PPP1R12B: variants seen among roughly 807,000 people sequenced by gnomAD.
PPP1R12B encodes protein phosphatase 1 regulatory subunit 12B, also known as myosin phosphatase target subunit 2.
PPP1R12B carries 76 observed loss-of-function variants against 126.1 expected under a neutral mutation model. The ratio of observed to expected loss-of-function variants is 0.60; its 90% CI spans 0.50 to 0.73. The LOEUF (loss-of-function observed/expected upper bound fraction) is 0.73. PPP1R12B is among the 30% of genes least tolerant of loss of function. The probability of loss-of-function intolerance (pLI) is 0.00; values close to 1 mark genes in which losing one functional copy is unlikely to be tolerated. For synonymous variants in PPP1R12B, 356 were observed against 434.7 expected (o/e 0.82, Z 2.25); for missense variants, 1,052 against 1,205.1 (o/e 0.87, Z 1.88).
chr1:202,427,501 T>G (rs57595834), intron 5 of PPP1R12B, among the ~76,000 whole-genome samples: 12,313 of 152,192 alleles, frequency 0.081, 1,045 homozygotes, highest in East Asian at 0.4. Flanking sequence ...GTATGAAAGA[T>G]TTTATTGTTG....
At chr1:202,350,223 T>G (rs1056058450) in intron 1 of PPP1R12B, among the ~76,000 whole-genome samples, 2 of 152,226 alleles carry the variant, frequency 1.3e-5, no homozygotes, top group African/African-American at 4.8e-5. Context: ...GAAGAAACTC[T>G]TTCACCCTAT....
chr1:202,504,339 G>A (rs1680582118), intron 18 of PPP1R12B, among the ~76,000 whole-genome samples: 1 of 152,086 alleles, frequency 6.6e-6, no homozygotes. Flanking sequence ...GTGGCAGTGA[G>A]CCAAGATCGC....
chr1:202,438,027 G>A lies in PPP1R12B; in HGVS notation c.1458+3G>A. 1.2e-6 allele frequency: 2 copies of A among 1,613,798 alleles called. No homozygotes were observed. Among genetic ancestry groups the A allele is most frequent in the Non-Finnish European group, 1.7e-6 (2 of 1,179,860 alleles). ...CTCTACTGGACAACAAAGATAAGGT[G>A]CAGTTTGGGAGGGTATGGGGGAATT... On this transcript the variant is annotated splice_donor_region_variant and intron_variant, in intron 10 of 23. Transcript: ENST00000608999.
rs1369049673 is a variant in PPP1R12B at position 202,587,662 on chromosome 1, C to T, written c.*7102C>T. The T allele has an allele frequency of 2.0e-5, 3 of 152,192 alleles. No individual in the cohort carries two copies. Among genetic ancestry groups the T allele is most frequent in the Admixed American group, 6.5e-5 (1 of 15,290 alleles). The allele number at this position is 152,192 out of a possible 1,614,324, so 9.4% of individuals were successfully genotyped here. On this transcript the variant is annotated 3_prime_UTR_variant, in exon 24 of 24. Coordinates refer to ENST00000608999, the MANE Select transcript of PPP1R12B (RefSeq NM_002481.4). ...GCCTCTTAAGAGCCTCTAATGTTCT[C>T]CCAAAACCAGAGTTGAGAGTCGGAG...
At chr1:202,447,452 A>T (rs945318132) in intron 12 of PPP1R12B, among the ~76,000 whole-genome samples, 11 of 152,216 alleles carry the variant, frequency 7.2e-5, no homozygotes, top group Non-Finnish European at 2.9e-5. Context: ...TTATTTAATC[A>T]TTAGAAGAAC....
chr1:202,368,337 A>G (rs1388998397), intron 1 of PPP1R12B, among the ~76,000 whole-genome samples: 3 of 152,076 alleles, frequency 2.0e-5, no homozygotes, highest in Non-Finnish European at 2.9e-5. Context: ...TCGCCCTGTG[A>G]TGTGCTTGCT....
rs1481815265 is a variant in PPP1R12B at position 202,508,512 on chromosome 1, T to C, written c.2490+11690T>C. 6.6e-6 allele frequency among the ~76,000 whole-genome samples: 1 copy of C among 152,244 alleles called. No homozygotes were observed. The highest frequency in any genetic ancestry group is 1.9e-4 in the East Asian group (1 of 5,202). ...ATGGTCTTGGAGCTTATAGCTCTTG[T>C]TATGTTTCTGAAAAATTTTTTCAGG... is the stretch of plus-strand genomic sequence containing the variant. On this transcript the variant is annotated intron_variant, in intron 18 of 23. Coordinates refer to ENST00000608999, the MANE Select transcript of PPP1R12B (RefSeq NM_002481.4). The surrounding 1 kb of genome is among the most constrained non-coding windows in gnomAD (Gnocchi z 4.5).
At chr1:202,555,158 C>A (rs555047515) in intron 18 of PPP1R12B, among the ~76,000 whole-genome samples, 1 of 151,738 alleles carries the variant, frequency 6.6e-6, no homozygotes, top group African/African-American at 2.4e-5. Context: ...TACTATACAG[C>A]CATATATCTG....
At chr1:202,567,586 A>C in intron 21 of PPP1R12B, 192 bp from the exon 22 acceptor site, 1 of 579,482 alleles carries the variant, frequency 1.7e-6, no homozygotes, top group East Asian at 2.9e-5. Context: ...GAATCCTGCA[A>C]ACTTCAGAGA....
chr1:202,509,602 G>A (rs1681205205), intron 18 of PPP1R12B, among the ~76,000 whole-genome samples: 1 of 152,150 alleles, frequency 6.6e-6, no homozygotes, highest in African/African-American at 2.4e-5. Flanking sequence ...TTGCCTTTAA[G>A]GCTCACAGGT....
chr1:202,413,824 C>G (rs1667711010), intron 1 of PPP1R12B, among the ~76,000 whole-genome samples: 1 of 152,086 alleles, frequency 6.6e-6, no homozygotes, highest in Non-Finnish European at 1.5e-5. Flanking sequence ...TCTGGCCTCT[C>G]AAAGGTATAT....
chr1:202,575,332 A>AG (rs1688999109), intron 23 of PPP1R12B: 2 of 764,028 alleles, frequency 2.6e-6, no homozygotes, highest in African/African-American at 3.5e-5. Context: ...GCCTAGGTCA[A>AG]GGGAGGCAGT....
intron 18 of PPP1R12B, among the ~76,000 whole-genome samples, chr1:202,548,798 CTCTCTCTCTCTA>C (rs1459156805): frequency 0.016 from 1,751 of 108,802 alleles, 15 homozygotes; most frequent in Admixed American, 0.045. Flanking sequence ...CTCTCTCTCT[CTCTCTCTCTCTA>C]TATATATATA....
At position 202,420,967 on chromosome 1, in the gene PPP1R12B, C is replaced by CTTTTT. The variant is rs56164548; in HGVS notation, c.423-1636_423-1632dup. On this transcript the variant is annotated intron_variant, in intron 2 of 23. Transcript: ENST00000608999. ...CTATTGATTCTTTTCCCTCTGCCAA[C>CTTTTT]TTTTTTTTTTTTTTTTTTTTTGAGA... Among the ~76,000 whole-genome samples the CTTTTT allele has an allele frequency of 2.0e-3, 237 of 118,508 alleles. 17 individuals carry two copies. Among genetic ancestry groups the CTTTTT allele is most frequent in the Middle Eastern group, 8.9e-3 (2 of 224 alleles). 77.7% of individuals were successfully genotyped at this position (118,508 alleles called of 152,430 possible).
chr1:202,545,968 G>A (rs1685614046), intron 18 of PPP1R12B, among the ~76,000 whole-genome samples: 1 of 152,190 alleles, frequency 6.6e-6, no homozygotes, highest in Admixed American at 6.5e-5. Context: ...AGGATTTGGG[G>A]AGTTATCCTG....
chr1:202,491,968 C>T (rs1678939360), intron 14 of PPP1R12B, among the ~76,000 whole-genome samples: 1 of 152,162 alleles, frequency 6.6e-6, no homozygotes, highest in South Asian at 2.1e-4. Flanking sequence ...TCTCTGTCCT[C>T]CAACTTTCCT....
At chr1:202,365,002 G>A (rs950995912) in intron 1 of PPP1R12B, among the ~76,000 whole-genome samples, 5 of 152,156 alleles carry the variant, frequency 3.3e-5, no homozygotes, top group African/African-American at 4.8e-5. Context: ...ATGAGCTACC[G>A]CACCCAGCCA....
Position 202,416,814 on chromosome 1 carries a change from G to A in PPP1R12B, c.319G>A (p.Val107Met). 1 of 1,613,886 alleles carries A rather than the reference G, an allele frequency of 6.2e-7. No individual in the cohort carries two copies. Among genetic ancestry groups the A allele is most frequent in the African/African-American group, 1.3e-5 (1 of 75,022 alleles). The change falls in exon 2 of 24, where the codon GTG (valine) becomes ATG (methionine). Residue 107 changes from valine (V) to methionine (M), a missense_variant. Transcript: ENST00000608999. ...ATGTATTGATGAAAATTTGGACATG[G>A]TGAAGTTTCTGGTGGAGAACAGAGC... ...QACIDENLDMVKFLVENRANV... is the reference protein window; with the variant it reads ...QACIDENLDMMKFLVENRANV...
intron 1 of PPP1R12B, among the ~76,000 whole-genome samples, chr1:202,370,988 A>G (rs1266923262): frequency 7.1e-6 from 1 of 140,488 alleles, no homozygotes; most frequent in African/African-American, 2.6e-5. Flanking sequence ...CACGAGTTCC[A>G]TTTGCTCCAC....
Sources: allele counts gnomAD v4.1 joint callset (sites outside exome capture counted in the v4.1 genomes callset), GRCh38; gene constraint gnomAD v4.1.1; non-coding constraint Gnocchi (gnomAD v3.1); transcripts MANE v1.5; gene names NCBI Gene and HGNC (gene_info 2026-07-23, HGNC 2026-07-21).